The following RGS2 variants were observed in gnomAD, a reference collection of about 807,000 sequenced individuals.
RGS2 encodes the protein regulator of G protein signaling 2.
A neutral mutation model predicts 26.6 loss-of-function variants in RGS2; 20 were observed. The observed-to-expected ratio is 0.75, with a 90% CI of 0.53 to 1.09. RGS2 has a LOEUF of 1.09. Ranked by LOEUF, RGS2 falls within the 50% of genes least tolerant of loss-of-function variation. RGS2 has a pLI of 0.00. For synonymous variants in RGS2, 97 were observed against 79.9 expected, an observed-to-expected ratio of 1.21 and a Z score of -1.14; for missense variants, 246 against 245.5, an observed-to-expected ratio of 1.00 and a Z score of -0.01.
At chr1:192,810,947 A>T in intron 3 of RGS2, 34 bp from the exon 4 acceptor site, 3 of 1,592,142 alleles carry the variant, frequency 1.9e-6, no homozygotes, top group Non-Finnish European at 2.6e-6. Flanking sequence ...TCAGTTCTTC[A>T]CATTCTGCAT....
chr1:192,811,372 C>A, intron 4 of RGS2, 30 bp from the exon 5 acceptor site: 1 of 1,559,344 alleles, frequency 6.4e-7, no homozygotes, highest in Non-Finnish European at 8.8e-7. Context: ...CTCTGAATAC[C>A]AAATAAACAA....
chr1:192,810,212 T>C lies in RGS2; in HGVS notation c.157T>C (p.Ser53Pro), dbSNP rs1188253687. The change falls in exon 2 of 5, where the codon TCT becomes CCT. Residue 53 changes from serine (S) to proline (P), a missense_variant. By Grantham distance (74) the Ser-to-Pro change is moderately conservative. Coordinates refer to ENST00000235382, the MANE Select transcript of RGS2 (RefSeq NM_002923.4). ...TRLSYFLQNS[S>P]TPGKPKTGKK... is the part of the protein sequence containing the mutation. ...TTTGAGCTACTTCTTACAAAATTCC[T>C]CTACTCCTGGGAAGCCCAAAACCGG... 1.2e-6 allele frequency: 2 copies of C among 1,613,942 alleles called. No individual in the cohort carries two copies. Among genetic ancestry groups the C allele is most frequent in the Non-Finnish European group, 1.7e-6 (2 of 1,179,892 alleles).
At chr1:192,809,404 C>G (rs987714152) in intron 1 of RGS2, 5 of 550,638 alleles carry the variant, frequency 9.1e-6, no homozygotes, top group African/African-American at 3.8e-5. Flanking sequence ...GTGGTTGATG[C>G]GCTAAGAAAT....
intron 4 of RGS2, 30 bp downstream of exon 4, chr1:192,811,177 A>T: frequency 6.2e-7 from 1 of 1,609,948 alleles, no homozygotes; most frequent in Non-Finnish European, 8.5e-7. Flanking sequence ...ATTTCAGCAC[A>T]ATCTGGACAT....
In RGS2 at chr1:192,810,237, G is replaced by T. The variant is rs1665562817; in HGVS notation, c.182G>T (p.Gly61Val). 2 of 1,613,838 alleles carry T rather than the reference G, an allele frequency of 1.2e-6. No homozygotes were observed. The highest frequency in any genetic ancestry group is 4.5e-5 in the East Asian group (2 of 44,892). The change falls in exon 2 of 5, where the codon GGC (glycine) becomes GTC (valine). Residue 61 changes from glycine to valine, a missense_variant. Physicochemically the swap from Gly to Val is moderately radical, Grantham distance 109 (BLOSUM62 -3). Transcript: ENST00000235382. ...NSSTPGKPKT[G>V]KKSKQQAFIK... ...TCTACTCCTGGGAAGCCCAAAACCG[G>T]CAAAAAAAGCAAACAGCAAGCTTTC... is the stretch of plus-strand genomic sequence containing the variant.
At position 192,811,484 on chromosome 1, in the gene RGS2, A is replaced by G; in HGVS notation, c.524A>G (p.Lys175Arg). Residue 175 changes from lysine (K) to arginine (R), a missense_variant, in exon 5 of 5, where the codon AAA becomes AGA. By Grantham distance (26) the Lys-to-Arg change is conservative (BLOSUM62 2). Transcript: ENST00000235382. ...ATSGCFTTAQ[K>R]RVYSLMENNS... ...AGTGGCTGCTTTACAACTGCCCAGA[A>G]AAGGGTATACAGCTTGATGGAGAAC... 1 of 1,614,114 alleles carries G rather than the reference A, an allele frequency of 6.2e-7. No homozygotes were observed. Among genetic ancestry groups the G allele is most frequent in the Non-Finnish European group, 8.5e-7 (1 of 1,179,936 alleles).
intron 1 of RGS2, 91 bp downstream of exon 1, chr1:192,809,272 GA>G: frequency 3.2e-6 from 3 of 929,114 alleles, no homozygotes; most frequent in Non-Finnish European, 5.4e-6. Context: ...TTGACGTTAG[GA>G]AACTAGCCTG....
In RGS2 at chr1:192,811,108, A is replaced by G; in HGVS notation, c.402A>G (p.Lys134=). The G allele has an allele frequency of 1.2e-6, 2 of 1,614,188 alleles. No homozygotes were observed. Among genetic ancestry groups the G allele is most frequent in the Non-Finnish European group, 1.7e-6 (2 of 1,180,030 alleles). Residue 134 remains lysine, a synonymous_variant, in exon 4 of 5, where the codon AAA becomes AAG. Coordinates refer to ENST00000235382, the MANE Select transcript of RGS2 (RefSeq NM_002923.4). The stretch of plus-strand genomic sequence containing the variant: ...AAAAGCTGTCCTCAAAAGCAAGGAA[A>G]ATATATACTGACTTCATAGAAAAGG... ...SPQKLSSKAR[K]IYTDFIEKEA...
Position 192,811,807 on chromosome 1 carries a change from G to C in RGS2, c.*211G>C. ...AGAACAGCTTCCCTCACTGTGTACA[G>C]AACGCAAGAAGGGAATAGGTGGTCT... On this transcript the variant is annotated 3_prime_UTR_variant, in exon 5 of 5. Coordinates refer to ENST00000235382, the MANE Select transcript of RGS2 (RefSeq NM_002923.4). 1 of 598,456 alleles carries C rather than the reference G, an allele frequency of 1.7e-6. No individual in the cohort carries two copies. The highest frequency in any genetic ancestry group is 1.9e-5 in the African/African-American group (1 of 53,964). 37.1% of individuals were successfully genotyped at this position (598,456 alleles called of 1,614,324 possible). A position where few individuals can be genotyped will look rare whatever the true frequency, so the allele number is the denominator to read the frequency against.
chr1:192,812,251 A>G lies in RGS2; in HGVS notation c.*655A>G, dbSNP rs888346499. The G allele has an allele frequency of 2.0e-5, 3 of 152,610 alleles. No individual in the cohort carries two copies. The highest frequency in any genetic ancestry group is 7.2e-5 in the African/African-American group (3 of 41,444). 9.5% of individuals were successfully genotyped at this position (152,610 alleles called of 1,614,324 possible). A position where few individuals can be genotyped will look rare whatever the true frequency, so the allele number is the denominator to read the frequency against. ...AGTGGTCTTTGAATACTTTTAATAA[A>G]TTTATTTTGATAAATAATATTGAAC... On this transcript the variant is annotated 3_prime_UTR_variant, in exon 5 of 5. Transcript: ENST00000235382.
Position 192,811,014 on chromosome 1 carries a change from C to A in RGS2, c.308C>A (p.Ser103Ter). The change falls in exon 4 of 5, where the codon TCG becomes TAG. Residue 103 changes from serine to a stop codon, truncating the protein, a stop_gained. Transcript: ENST00000235382. LOFTEE classifies it high-confidence loss of function. ...GLAAFRAFLK[S>*]EFCEENIEFW... ...GCTGCATTCAGGGCTTTTTTAAAGT[C>A]GGAATTCTGTGAAGAAAATATTGAA... 6.2e-7 allele frequency: 1 copy of A among 1,613,974 alleles called. No individual in the cohort carries two copies.
rs201642180 is a variant in RGS2 at position 192,810,297 on chromosome 1, T to C, written c.212+30T>C. The C allele has an allele frequency of 3.1e-6, 5 of 1,606,738 alleles. No homozygotes were observed. The Admixed American group carries it at 6.7e-5, about 21-fold the overall frequency. On this transcript the variant is annotated intron_variant, in intron 2 of 4. Coordinates refer to ENST00000235382, the MANE Select transcript of RGS2 (RefSeq NM_002923.4). Reference sequence around the variant, plus strand: ...GTTGAGAATCCTGTGCTTGCAAATATCAATAGTTAGCTGCTGAACTGAAAA... The same window carrying C: ...GTTGAGAATCCTGTGCTTGCAAATACCAATAGTTAGCTGCTGAACTGAAAA...
At chr1:192,810,682 C>T in intron 3 of RGS2, 1 of 614,168 alleles carries the variant, frequency 1.6e-6, no homozygotes, top group African/African-American at 1.8e-5. Context: ...GTCAGTTTTT[C>T]CATTGCATAC....
rs751951851 is a variant in RGS2, at chr1:192,809,067, C to T, written c.-5C>T. 9.3e-6 allele frequency: 15 copies of T among 1,606,754 alleles called. No homozygotes were observed. The highest frequency in any genetic ancestry group is 3.3e-5 in the South Asian group (3 of 90,912). ...AACAGCCGGGGCTCCAGCGGGAGAA[C>T]GATAATGCAAAGTGCTATGTTCTTG... On this transcript the variant is annotated 5_prime_UTR_variant, in exon 1 of 5. It adds an upstream start codon to the 5' untranslated region. Coordinates refer to ENST00000235382, the MANE Select transcript of RGS2 (RefSeq NM_002923.4).
chr1:192,810,186 G>C lies in RGS2; in HGVS notation c.131G>C (p.Arg44Pro). Reference sequence around the variant, plus strand: ...TTTAGTTTAAAAGATTGGAAGACCCGTTTGAGCTACTTCTTACAAAATTCC... The same window carrying C: ...TTTAGTTTAAAAGATTGGAAGACCCCTTTGAGCTACTTCTTACAAAATTCC... ...KRTLLKDWKT[R>P]LSYFLQNSST... The change falls in exon 2 of 5, where the codon CGT becomes CCT. Residue 44 changes from arginine to proline, a missense_variant. Physicochemically the swap from Arg to Pro is moderately radical, Grantham distance 103. Coordinates refer to ENST00000235382, the MANE Select transcript of RGS2 (RefSeq NM_002923.4). 1 of 1,611,908 alleles carries C rather than the reference G, an allele frequency of 6.2e-7. No individual in the cohort carries two copies. The highest frequency in any genetic ancestry group is 1.1e-5 in the South Asian group (1 of 91,038).
rs1665545695 is a variant in RGS2, at chr1:192,809,135, A to G, written c.64A>G (p.Ser22Gly). 2.5e-6 allele frequency: 4 copies of G among 1,613,346 alleles called. No individual in the cohort carries two copies. The highest frequency in any genetic ancestry group is 2.5e-6 in the Non-Finnish European group (3 of 1,179,412). The change falls in exon 1 of 5, where the codon AGT becomes GGT. Residue 22 changes from serine to glycine, a missense_variant. Ser to Gly is a moderately conservative substitution (Grantham distance 56). Coordinates refer to ENST00000235382, the MANE Select transcript of RGS2 (RefSeq NM_002923.4). ...CAGACCCATGGACAAGAGCGCAGGC[A>G]GTGGCCACAAGAGCGAGGAGAAGCG... ...DCRPMDKSAG[S>G]GHKSEEKREK... is the part of the protein sequence containing the mutation.
chr1:192,811,882 A>T lies in RGS2; in HGVS notation c.*286A>T, dbSNP rs934785129. 1.3e-5 allele frequency: 6 copies of T among 457,454 alleles called. No homozygotes were observed. The highest frequency in any genetic ancestry group is 9.9e-5 in the African/African-American group (5 of 50,698). The allele number at this position is 457,454 out of a possible 1,614,324, so 28.3% of individuals were successfully genotyped here. ...GCAGGAATGTAAGATGATGAAAGAG[A>T]CAATGTAATACTGTTGGTCCAAAAG... On this transcript the variant is annotated 3_prime_UTR_variant, in exon 5 of 5. Transcript: ENST00000235382.
intron 1 of RGS2, 147 bp from the exon 2 acceptor site, chr1:192,810,019 A>G (rs1665558301): frequency 3.0e-6 from 2 of 665,420 alleles, no homozygotes; most frequent in South Asian, 1.7e-5. Context: ...TGTTAGGTGG[A>G]TAAGACTTAT....
rs1181808743 is a variant in RGS2, at chr1:192,809,039, G to A, written c.-33G>A. 6 of 1,522,724 alleles carry A rather than the reference G, an allele frequency of 3.9e-6. No homozygotes were observed. Among genetic ancestry groups the A allele is most frequent in the Admixed American group, 1.7e-5 (1 of 59,772 alleles). 94.3% of individuals were successfully genotyped at this position (1,522,724 alleles called of 1,614,324 possible). ...TAAATGCTGCGACGCACGCCCAGCC[G>A]CAAACAGCCGGGGCTCCAGCGGGAG... is the stretch of plus-strand genomic sequence containing the variant. On this transcript the variant is annotated 5_prime_UTR_variant, in exon 1 of 5. Transcript: ENST00000235382.
Sources: gnomAD v4.1 joint callset for allele counts on GRCh38, gnomAD v4.1.1 for gene constraint, MANE v1.5 for transcripts, NCBI Gene and HGNC (gene_info 2026-07-23, HGNC 2026-07-21) for gene names.